Variants in FGFR2 observed in about 807,000 individuals in gnomAD.
FGFR2 encodes BEK fibroblast growth factor receptor.
Under a neutral mutation model 95.9 loss-of-function variants are expected in FGFR2, and 19 were observed. The ratio of observed to expected loss-of-function variants is 0.20; its 90% CI spans 0.14 to 0.29. The LOEUF (loss-of-function observed/expected upper bound fraction) is 0.29. Among genes scored for constraint, FGFR2 ranks in the 10% least tolerant of loss-of-function variants. The probability of loss-of-function intolerance (pLI) is 1.00; values close to 1 mark genes in which losing one functional copy is unlikely to be tolerated. For missense variants in FGFR2, 707 were observed against 1,056.9 expected (o/e 0.67, Z 4.59); for synonymous variants, 392 against 393.3 (o/e 1.00, Z 0.04).
At chr10:121,554,505 ATTT>A (rs11334001) in intron 4 of FGFR2, among the ~76,000 whole-genome samples, 11 of 121,960 alleles carry the variant, frequency 9.0e-5, no homozygotes, top group African/African-American at 1.2e-4. Flanking sequence ...TGCCCGGCTA[ATTT>A]TTTTTTTTTT....
chr10:121,509,477 C>CTTT (rs1589800962), intron 9 of FGFR2, among the ~76,000 whole-genome samples: 1 of 45,890 alleles, frequency 2.2e-5, no homozygotes, highest in Admixed American at 2.2e-4. Context: ...TTATCTGTTT[C>CTTT]TTTTCTTTTT....
chr10:121,523,584 G>C (rs1472705194), intron 6 of FGFR2, among the ~76,000 whole-genome samples: 1 of 152,182 alleles, frequency 6.6e-6, no homozygotes, highest in East Asian at 1.9e-4. Flanking sequence ...TGCCAGACAA[G>C]GTCACAAACT....
chr10:121,594,119 T>A (rs1353438559), intron 1 of FGFR2, 152 bp from the exon 2 acceptor site: 9 of 519,406 alleles, frequency 1.7e-5, no homozygotes, highest in Non-Finnish European at 3.2e-5. Context: ...CACCTCAGAG[T>A]CCCAGGTGAT....
intron 9 of FGFR2, among the ~76,000 whole-genome samples, chr10:121,513,024 C>G (rs1849258527): frequency 1.3e-5 from 2 of 152,128 alleles, no homozygotes; most frequent in Admixed American, 6.5e-5. Context: ...CATGCACCAC[C>G]ACACCCAGCT....
intron 2 of FGFR2, among the ~76,000 whole-genome samples, chr10:121,587,658 T>A (rs1194610481): frequency 6.6e-6 from 1 of 151,736 alleles, no homozygotes; most frequent in Non-Finnish European, 1.5e-5. Flanking sequence ...AAAAAGCTCA[T>A]CACTAGAGAA....
chr10:121,524,109 C>T (rs976721217), intron 6 of FGFR2, among the ~76,000 whole-genome samples: 2,154 of 81,496 alleles, frequency 0.026, 61 homozygotes, highest in African/African-American at 0.064. Context: ...TATACACACA[C>T]ACACACACAC....
chr10:121,567,416 G>A (rs1857842182), intron 2 of FGFR2, among the ~76,000 whole-genome samples: 1 of 152,242 alleles, frequency 6.6e-6, no homozygotes, highest in Admixed American at 6.5e-5. Context: ...GGAAAGCCCA[G>A]CTGACGGGCA....
At chr10:121,544,283 T>G (rs1262565108) in intron 5 of FGFR2, among the ~76,000 whole-genome samples, 1 of 151,724 alleles carries the variant, frequency 6.6e-6, no homozygotes, top group African/African-American at 2.4e-5. Context: ...CTGTCTCTAC[T>G]AAAAATACAA....
At chr10:121,569,213 TCTTTTC>T (rs1564708188) in intron 2 of FGFR2, among the ~76,000 whole-genome samples, 1 of 148,732 alleles carries the variant, frequency 6.7e-6, no homozygotes, top group African/African-American at 2.5e-5. Flanking sequence ...TCTTTTCTTT[TCTTTTC>T]TTTTCTTTTT....
At chr10:121,571,660 C>T (rs1420571002) in intron 2 of FGFR2, among the ~76,000 whole-genome samples, 2 of 151,680 alleles carry the variant, frequency 1.3e-5, no homozygotes, top group African/African-American at 2.4e-5. Flanking sequence ...ACAAAAACGA[C>T]TGGCCGGGCG....
At chr10:121,577,554 C>T (rs45631547) in intron 2 of FGFR2, among the ~76,000 whole-genome samples, 17,750 of 152,024 alleles carry the variant, frequency 0.12, 1,416 homozygotes, top group African/African-American at 0.23. Context: ...CTGGTGCGTA[C>T]ATGTGCGTAT....
intron 2 of FGFR2, among the ~76,000 whole-genome samples, chr10:121,591,981 G>T (rs1349446879): frequency 6.6e-6 from 1 of 152,078 alleles, no homozygotes; most frequent in Non-Finnish European, 1.5e-5. Context: ...CTTCCTTCAA[G>T]AATTAAATAC....
At chr10:121,554,179 A>G (rs1855791348) in intron 4 of FGFR2, among the ~76,000 whole-genome samples, 1 of 152,134 alleles carries the variant, frequency 6.6e-6, no homozygotes, top group Admixed American at 6.5e-5. Context: ...GTTGGGGGCC[A>G]CCATAAAAAA....
intron 16 of FGFR2, among the ~76,000 whole-genome samples, chr10:121,484,755 A>C (rs1299873633): frequency 6.6e-6 from 1 of 152,240 alleles, no homozygotes; most frequent in Non-Finnish European, 1.5e-5. Flanking sequence ...TTTTACAGGC[A>C]GATCTGGTAC....
chr10:121,493,313 G>A (rs957702310), intron 13 of FGFR2, among the ~76,000 whole-genome samples: 1 of 152,188 alleles, frequency 6.6e-6, no homozygotes, highest in African/African-American at 2.4e-5. Context: ...TTAAATGGAT[G>A]CATTTGCCCT....
Position 121,517,498 on chromosome 10 carries a change from C to T in FGFR2, c.940-35G>A, listed in dbSNP as rs750265468. 1.5e-5 allele frequency: 24 copies of T among 1,613,676 alleles called. No homozygotes were observed. The highest frequency in any genetic ancestry group is 5.3e-5 in the African/African-American group (4 of 74,908). On this transcript the variant is annotated intron_variant, in intron 7 of 17. Transcript: ENST00000358487. The surrounding 1 kb of genome is among the most constrained non-coding windows in gnomAD (Gnocchi z 4.7). Reference sequence around the variant, plus strand: ...AAGGGAAGCAAAAGAAAAGGCTAGACGACACAGGAATGATTGTGGAGGGGG... The same window carrying T: ...AAGGGAAGCAAAAGAAAAGGCTAGATGACACAGGAATGATTGTGGAGGGGG...
intron 6 of FGFR2, among the ~76,000 whole-genome samples, chr10:121,535,533 T>G (rs960139559): frequency 9.9e-5 from 15 of 152,206 alleles, no homozygotes; most frequent in African/African-American, 3.4e-4. Flanking sequence ...ATCCCAGCAT[T>G]GTAGCTTCAC....
In FGFR2 at chr10:121,496,742, G is replaced by A; in HGVS notation, c.1673-20C>T. ...GAGGCCCTGTTGAGGAAGAAGAGAA[G>A]CTCCCTAAAGAGAGAATCCAGGGTC... On this transcript the variant is annotated intron_variant, in intron 12 of 17. Coordinates refer to ENST00000358487, the MANE Select transcript of FGFR2 (RefSeq NM_000141.5). 6.2e-7 allele frequency: 1 copy of A among 1,609,398 alleles called. No homozygotes were observed. The highest frequency in any genetic ancestry group is 8.5e-7 in the Non-Finnish European group (1 of 1,178,080).
intron 9 of FGFR2, among the ~76,000 whole-genome samples, chr10:121,510,788 T>TTTTATTTTAA (rs1848956495): frequency 6.6e-6 from 1 of 150,720 alleles, no homozygotes; most frequent in African/African-American, 2.5e-5. Flanking sequence ...ATTTATTTTA[T>TTTTATTTTAA]TTTATTTTAT....
Sources: allele counts gnomAD v4.1 joint callset (sites outside exome capture counted in the v4.1 genomes callset), GRCh38; gene constraint gnomAD v4.1.1; non-coding constraint Gnocchi (gnomAD v3.1); transcripts MANE v1.5; gene names NCBI Gene and HGNC (gene_info 2026-07-23, HGNC 2026-07-21).